The following SREBF2 variants were observed in gnomAD, a reference collection of about 807,000 sequenced individuals.
The protein encoded by SREBF2 is sterol regulatory element-binding protein 2.
SREBF2 carries 55 observed loss-of-function variants against 113.1 expected under a neutral mutation model. The observed-to-expected ratio is 0.49, with a 90% CI of 0.39 to 0.61. SREBF2 has a LOEUF of 0.61. SREBF2 is among the 20% of genes least tolerant of loss of function. The probability of loss-of-function intolerance (pLI) is 0.00; values close to 1 mark genes in which losing one functional copy is unlikely to be tolerated. For synonymous variants in SREBF2, 593 were observed against 605.7 expected (o/e 0.98, Z 0.31); for missense variants, 1,349 against 1,487.4 (o/e 0.91, Z 1.53).
At chr22:41,844,033 T>TACACACAC (rs71311415) in intron 1 of SREBF2, among the ~76,000 whole-genome samples, 4,570 of 123,074 alleles carry the variant, frequency 0.037, 152 homozygotes, top group Admixed American at 0.06. Flanking sequence ...AAAAAATACA[T>TACACACAC]ACACACACAC....
In SREBF2 at chr22:41,870,884, T is replaced by C; in HGVS notation, c.721-5T>C. ...TCCTTTTACTTTTCTTCCTTCTTCA[T>C]CCAGGTCCTGGTCCAGCCTCAGATC... On this transcript the variant is annotated splice_polypyrimidine_tract_variant and splice_region_variant and intron_variant, in intron 3 of 18. Transcript: ENST00000361204. 2 of 1,614,222 alleles carry C rather than the reference T, an allele frequency of 1.2e-6. No homozygotes were observed. Among genetic ancestry groups the C allele is most frequent in the Non-Finnish European group, 1.7e-6 (2 of 1,180,036 alleles).
intron 3 of SREBF2, among the ~76,000 whole-genome samples, chr22:41,869,960 A>G (rs985062298): frequency 6.6e-6 from 1 of 151,516 alleles, no homozygotes; most frequent in Non-Finnish European, 1.5e-5. Context: ...GGTTCAAGCA[A>G]TTCTCCTGCC....
intron 4 of SREBF2, among the ~76,000 whole-genome samples, chr22:41,873,201 AAAAATAAAAT>A (rs905555770): frequency 1.3e-5 from 2 of 152,184 alleles, no homozygotes; most frequent in African/African-American, 2.4e-5. Flanking sequence ...CCGTCTCAAA[AAAAATAAAAT>A]AAAATAAAAT....
At chr22:41,842,990 CAA>C (rs1030056245) in intron 1 of SREBF2, among the ~76,000 whole-genome samples, 2 of 117,392 alleles carry the variant, frequency 1.7e-5, no homozygotes, top group Non-Finnish European at 3.7e-5. Flanking sequence ...ACGTCCGTCT[CAA>C]AAAAAAAAAA....
rs756360905 is a variant in SREBF2 at position 41,875,714 on chromosome 22, A to G, written c.1376A>G (p.Asp459Gly). 1.9e-6 allele frequency: 3 copies of G among 1,614,026 alleles called. No homozygotes were observed. Among genetic ancestry groups the G allele is most frequent in the South Asian group, 2.2e-5 (2 of 91,078 alleles). ...IDSEPGSPLL[D>G]DAKVKDEPDS... ...TCTGAGCCAGGAAGCCCTCTATTGG[A>G]TGATGCAAAGGTACAGACTTTTGAA... Residue 459 changes from aspartate (D) to glycine (G), a missense_variant, in exon 7 of 19, where the codon GAT (aspartate) becomes GGT (glycine). Physicochemically the swap from Asp to Gly is moderately conservative, Grantham distance 94. Transcript: ENST00000361204.
chr22:41,854,529 C>G (rs1358099188), intron 1 of SREBF2, among the ~76,000 whole-genome samples: 1 of 151,998 alleles, frequency 6.6e-6, no homozygotes, highest in Non-Finnish European at 1.5e-5. Flanking sequence ...ACATTTTCTC[C>G]ATGCACTCAT....
chr22:41,839,269 T>TG (rs1217422121), intron 1 of SREBF2, among the ~76,000 whole-genome samples: 3 of 151,950 alleles, frequency 2.0e-5, no homozygotes, highest in African/African-American at 7.3e-5. Flanking sequence ...TTGGGGTGCC[T>TG]GGGGGTCATC....
Position 41,900,319 on chromosome 22 carries a change from C to G in SREBF2, c.2739-11C>G. 1 of 1,611,860 alleles carries G rather than the reference C, an allele frequency of 6.2e-7. No individual in the cohort carries two copies. The highest frequency in any genetic ancestry group is 1.3e-5 in the African/African-American group (1 of 75,054). On this transcript the variant is annotated splice_polypyrimidine_tract_variant and intron_variant, in intron 15 of 18. Coordinates refer to ENST00000361204, the MANE Select transcript of SREBF2 (RefSeq NM_004599.4). The stretch of plus-strand genomic sequence containing the variant: ...AGTGACCTGCCTCTCGACTCCCTGT[C>G]ACTGCTGCAGGAGCCCCCTGGTGAA...
chr22:41,871,594 T>TA (rs1445540918), intron 4 of SREBF2, among the ~76,000 whole-genome samples: 41 of 152,148 alleles, frequency 2.7e-4, no homozygotes, highest in African/African-American at 8.9e-4. Context: ...GCCTAGCAAT[T>TA]AAAAAACAGA....
chr22:41,852,720 T>A (rs968701181), intron 1 of SREBF2, among the ~76,000 whole-genome samples: 2 of 139,220 alleles, frequency 1.4e-5, no homozygotes, highest in Non-Finnish European at 1.5e-5. Context: ...TCTCATACTC[T>A]CAGAATGATT....
intron 11 of SREBF2, 89 bp from the exon 12 acceptor site, chr22:41,893,027 AC>A: frequency 6.7e-7 from 1 of 1,499,708 alleles, no homozygotes; most frequent in Middle Eastern, 2.4e-4. Flanking sequence ...CCCAAAGCCC[AC>A]CTCCACCATG....
chr22:41,839,851 G>A (rs548869021), intron 1 of SREBF2, among the ~76,000 whole-genome samples: 16 of 152,030 alleles, frequency 1.1e-4, no homozygotes, highest in African/African-American at 3.9e-4. Flanking sequence ...GTTGCTGTGT[G>A]GACATATATG....
At chr22:41,899,558 G>C in intron 15 of SREBF2, 1 of 992,950 alleles carries the variant, frequency 1.0e-6, no homozygotes, top group Non-Finnish European at 1.2e-6. Context: ...AGAAGAGTGA[G>C]TATACACAGG....
rs1293195864 is a variant in SREBF2, at chr22:41,903,174, G to T, written c.3093+19G>T. ...CCGCAAGGTGAGGCCCAGCTGGCTG[G>T]TGGGGCAGGGCAGATTGGAGCCTGT... On this transcript the variant is annotated intron_variant, in intron 17 of 18. Transcript: ENST00000361204. The T allele has an allele frequency of 6.5e-7, 1 of 1,547,502 alleles. No homozygotes were observed. Among genetic ancestry groups the T allele is most frequent in the South Asian group, 1.2e-5 (1 of 84,040 alleles).
intron 3 of SREBF2, 53 bp downstream of exon 3, chr22:41,868,845 C>G (rs1172959448): frequency 1.3e-6 from 2 of 1,557,476 alleles, no homozygotes; most frequent in African/African-American, 1.4e-5. Flanking sequence ...GTTAACTGGT[C>G]CTTGGTTGAA....
At chr22:41,902,160 G>A (rs1168910994) in intron 16 of SREBF2, among the ~76,000 whole-genome samples, 2 of 152,228 alleles carry the variant, frequency 1.3e-5, no homozygotes, top group African/African-American at 4.8e-5. Context: ...ATGAGGCTCA[G>A]CCTGAGGGAG....
rs1462845963 is a variant in SREBF2 at position 41,867,227 on chromosome 22, C to A, written c.485C>A (p.Thr162Lys). The A allele has an allele frequency of 6.2e-7, 1 of 1,614,190 alleles. No homozygotes were observed. The highest frequency in any genetic ancestry group is 1.3e-5 in the African/African-American group (1 of 75,038). Reference sequence around the variant, plus strand: ...CCAACATTCAGCACCACTCCGCAGACGAGGATCATCCAGCAGCCTTTGATA... The same window carrying A: ...CCAACATTCAGCACCACTCCGCAGAAGAGGATCATCCAGCAGCCTTTGATA... The part of the protein sequence containing the change: ...ITPTFSTTPQ[T>K]RIIQQPLIYQ... Residue 162 changes from threonine (T) to lysine (K), a missense_variant, in exon 2 of 19, where the codon ACG becomes AAG. Thr to Lys is a moderately conservative substitution (Grantham distance 78, BLOSUM62 -1). This residue lies in a region of SREBF2 where 699 missense variants were observed against 843.3 expected (regional missense o/e 0.83). Transcript: ENST00000361204.
At chr22:41,857,892 T>C (rs761202962) in intron 1 of SREBF2, among the ~76,000 whole-genome samples, 1 of 152,202 alleles carries the variant, frequency 6.6e-6, no homozygotes, top group Non-Finnish European at 1.5e-5. Flanking sequence ...AAGGATGTGG[T>C]TGAAAGAGCC....
At chr22:41,905,042 G>C in intron 18 of SREBF2, 68 bp downstream of exon 18, 1 of 1,400,630 alleles carries the variant, frequency 7.1e-7, no homozygotes, top group Non-Finnish European at 9.8e-7. Context: ...AGGAGAAGAG[G>C]GGCCAGCCCA....
Sources: gnomAD v4.1 joint callset for allele counts (sites outside exome capture counted in the v4.1 genomes callset) on GRCh38, gnomAD v4.1.1 for gene constraint, gnomAD v4.1.1 regional missense constraint, MANE v1.5 for transcripts, NCBI Gene and HGNC (gene_info 2026-07-23, HGNC 2026-07-21) for gene names.